Variants in EYA4 observed in about 807,000 individuals in gnomAD.
EYA4 encodes the protein EYA transcriptional coactivator and phosphatase 4.
EYA4 carries 31 observed loss-of-function variants against 87.9 expected under a neutral mutation model. The observed-to-expected ratio is 0.35, with a 90% CI of 0.27 to 0.48. The LOEUF (loss-of-function observed/expected upper bound fraction) is 0.48, where lower values mean the gene tolerates loss of function less well. Among genes scored for constraint, EYA4 ranks in the 20% least tolerant of loss-of-function variants. The pLI is 0.99. For missense variants in EYA4, 678 were observed against 761.4 expected, an observed-to-expected ratio of 0.89 and a Z score of 1.29; for synonymous variants, 263 against 270.6, an observed-to-expected ratio of 0.97 and a Z score of 0.28.
At chr6:133,466,107 G>A (rs1449815742) in intron 10 of EYA4, among the ~76,000 whole-genome samples, 1 of 152,044 alleles carries the variant, frequency 6.6e-6, no homozygotes, top group Non-Finnish European at 1.5e-5. Flanking sequence ...CTCTTTAGAA[G>A]GATTCAGTCC....
chr6:133,263,895 G>C (rs893271304), intron 1 of EYA4, among the ~76,000 whole-genome samples: 1 of 152,210 alleles, frequency 6.6e-6, no homozygotes, highest in Non-Finnish European at 1.5e-5. Context: ...TCAGGCACCT[G>C]TTTCCCCATC....
At chr6:133,390,991 A>G (rs1174391971) in intron 3 of EYA4, among the ~76,000 whole-genome samples, 1 of 152,168 alleles carries the variant, frequency 6.6e-6, no homozygotes, top group Non-Finnish European at 1.5e-5. Flanking sequence ...AAACAAACCA[A>G]AAAACCCAGG....
chr6:133,421,834 T>C (rs2128561855), intron 3 of EYA4, among the ~76,000 whole-genome samples: 2 of 152,308 alleles, frequency 1.3e-5, no homozygotes, highest in South Asian at 4.1e-4. Flanking sequence ...TGTTTATAGA[T>C]AGGATTGTGA....
intron 3 of EYA4, chr6:133,439,324 T>C (rs1484058494): frequency 6.6e-6 from 1 of 152,186 alleles, no homozygotes; most frequent in South Asian, 2.1e-4. Flanking sequence ...CTTGTCACAC[T>C]CACATGCTTG....
chr6:133,417,598 A>G (rs1789836404), intron 3 of EYA4, among the ~76,000 whole-genome samples: 1 of 152,226 alleles, frequency 6.6e-6, no homozygotes, highest in African/African-American at 2.4e-5. Flanking sequence ...AGGCAAAAAC[A>G]CATACACACA....
intron 2 of EYA4, among the ~76,000 whole-genome samples, chr6:133,374,247 A>G (rs1785494996): frequency 6.6e-6 from 1 of 152,060 alleles, no homozygotes; most frequent in South Asian, 2.1e-4. Context: ...CTTGAAAGCT[A>G]TTGTGACAGT....
At chr6:133,386,696 G>T (rs2128488396) in intron 3 of EYA4, among the ~76,000 whole-genome samples, 1 of 152,300 alleles carries the variant, frequency 6.6e-6, no homozygotes, top group Admixed American at 6.5e-5. Flanking sequence ...AAATTGGGCT[G>T]TGAAGTGACT....
At chr6:133,486,879 T>C (rs1796730272) in intron 13 of EYA4, among the ~76,000 whole-genome samples, 1 of 152,170 alleles carries the variant, frequency 6.6e-6, no homozygotes. Context: ...CAACACCAAA[T>C]TGAATAAGTA....
At chr6:133,337,877 G>A (rs1782494441) in intron 2 of EYA4, among the ~76,000 whole-genome samples, 1 of 152,180 alleles carries the variant, frequency 6.6e-6, no homozygotes, top group African/African-American at 2.4e-5. Flanking sequence ...GCCGATGTCA[G>A]CACAGCATGT....
intron 13 of EYA4, among the ~76,000 whole-genome samples, chr6:133,499,001 A>G (rs1168784806): frequency 6.6e-6 from 1 of 152,232 alleles, no homozygotes; most frequent in Admixed American, 6.5e-5. Flanking sequence ...AAGGGGAAAG[A>G]TCTTGAAAGG....
chr6:133,405,229 C>T (rs577952579), intron 3 of EYA4, among the ~76,000 whole-genome samples: 1 of 152,204 alleles, frequency 6.6e-6, no homozygotes, highest in South Asian at 2.1e-4. Context: ...TTCCAAGGAT[C>T]TTAGCCATCT....
At chr6:133,474,195 C>T (rs1583386154) in intron 11 of EYA4, among the ~76,000 whole-genome samples, 1 of 152,054 alleles carries the variant, frequency 6.6e-6, no homozygotes, top group Middle Eastern at 3.4e-3. Flanking sequence ...TGCTAGACTA[C>T]AGCTACCAAG....
In EYA4 at chr6:133,473,773, C is replaced by T. The variant is rs537096695; in HGVS notation, c.970+5042C>T. On this transcript the variant is annotated intron_variant, in intron 11 of 19. Coordinates refer to ENST00000355286, the MANE Select transcript of EYA4 (RefSeq NM_004100.5). ...CCTTAGCCTCCCTGGGTATCTGTAC[C>T]CCTTGCAGGGCCAGGATTAGGGTGA... Among the ~76,000 whole-genome samples, 7 of 151,928 alleles carry T rather than the reference C, an allele frequency of 4.6e-5. No individual in the cohort carries two copies. The East Asian group carries it at 1.4e-3, about 30-fold the overall frequency.
chr6:133,381,066 T>G (rs1174707123), intron 2 of EYA4, among the ~76,000 whole-genome samples: 1 of 121,650 alleles, frequency 8.2e-6, no homozygotes, highest in Non-Finnish European at 1.6e-5. Flanking sequence ...GTGAAACCGT[T>G]TTTTTTTTCT....
rs769876833 is a variant in EYA4 at position 133,296,721 on chromosome 6, A to T, written c.33+21908A>T. 1.1e-4 allele frequency among the ~76,000 whole-genome samples: 17 copies of T among 152,282 alleles called. 1 individual carries two copies. In the Middle Eastern group the frequency reaches 0.014, roughly 122 times the overall value. On this transcript the variant is annotated intron_variant, in intron 2 of 19. Coordinates refer to ENST00000355286, the MANE Select transcript of EYA4 (RefSeq NM_004100.5). Reference sequence around the variant, plus strand: ...GGTTTTTTTTCTCCTCTATATGGCAAACGATTCCCAGCACATTTCTTAGCC... The same window carrying T: ...GGTTTTTTTTCTCCTCTATATGGCATACGATTCCCAGCACATTTCTTAGCC...
chr6:133,250,902 A>G (rs1027441301), intron 1 of EYA4, among the ~76,000 whole-genome samples: 14 of 152,154 alleles, frequency 9.2e-5, no homozygotes, highest in African/African-American at 3.4e-4. Flanking sequence ...TCATTAGATT[A>G]CCCCCAAATG....
chr6:133,389,800 G>GC (rs1412700962), intron 3 of EYA4, among the ~76,000 whole-genome samples: 13 of 152,096 alleles, frequency 8.5e-5, no homozygotes, highest in African/African-American at 2.2e-4. Flanking sequence ...TTCAGCTATA[G>GC]CCCCCCCAAT....
chr6:133,462,698 C>G lies in EYA4; in HGVS notation c.658C>G (p.Leu220Val), dbSNP rs1295022587. Residue 220 changes from leucine (L) to valine (V), a missense_variant, in exon 9 of 20, where the codon CTC (leucine) becomes GTC (valine). Transcript: ENST00000355286. ...TCAGTCCCCATTACAGAGTGGCTGC[C>G]TCAGTTACAGCCCAGGGTTCTCTAC... The part of the protein sequence containing the change: ...QTQSPLQSGC[L>V]SYSPGFSTPQ... 5 of 1,613,820 alleles carry G rather than the reference C, an allele frequency of 3.1e-6. No individual in the cohort carries two copies. The highest frequency in any genetic ancestry group is 4.2e-6 in the Non-Finnish European group (5 of 1,179,838).
chr6:133,414,811 G>C (rs1161314507), intron 3 of EYA4, among the ~76,000 whole-genome samples: 2 of 152,118 alleles, frequency 1.3e-5, no homozygotes, highest in African/African-American at 4.8e-5. Context: ...AGATAAGTTA[G>C]TTCCCTGTTA....
Sources: gnomAD v4.1 joint callset for allele counts (sites outside exome capture counted in the v4.1 genomes callset) on GRCh38, gnomAD v4.1.1 for gene constraint, MANE v1.5 for transcripts, NCBI Gene and HGNC (gene_info 2026-07-23, HGNC 2026-07-21) for gene names.